Variants in DIDO1 observed in about 807,000 individuals in gnomAD.
The protein encoded by DIDO1 is death inducer-obliterator 1.
In DIDO1, 16 loss-of-function variants were observed where a neutral mutation model predicts 99.4. The observed-to-expected ratio is 0.16, with a 90% CI of 0.11 to 0.24. The LOEUF is 0.24. Ranked by LOEUF, DIDO1 falls within the 10% of genes least tolerant of loss-of-function variation. The pLI, the probability that DIDO1 is intolerant of heterozygous loss-of-function variation, is 1.00. For missense variants in DIDO1, 2,996 were observed against 3,014.0 expected, an observed-to-expected ratio of 0.99 and a Z score of 0.14; for synonymous variants, 1,366 against 1,239.1, an observed-to-expected ratio of 1.10 and a Z score of -2.15.
In DIDO1 at chr20:62,894,550, TA is replaced by T; in HGVS notation, c.2437-3del. 6.2e-7 allele frequency: 1 copy of T among 1,602,992 alleles called. No homozygotes were observed. The highest frequency in any genetic ancestry group is 1.1e-5 in the South Asian group (1 of 90,382). On this transcript the variant is annotated splice_region_variant and splice_polypyrimidine_tract_variant and intron_variant, in intron 10 of 15. Coordinates refer to ENST00000395343, the MANE Select transcript of DIDO1 (RefSeq NM_001193369.2). This position sits in a 1 kb window ranked among gnomAD's most constrained non-coding sequence, Gnocchi z 4.4. ...AGCACGTGCTGACTCTTGCTGTTCC[TA>T]AAAAAGAAAAAGAAAAAAAAGTGAG...
chr20:62,920,408 G>A (rs1394306097), intron 1 of DIDO1, among the ~76,000 whole-genome samples: 1 of 152,202 alleles, frequency 6.6e-6, no homozygotes, highest in Admixed American at 6.5e-5. Flanking sequence ...AAAGGATTCA[G>A]CAAGGGGCTG....
At chr20:62,921,108 C>A (rs564218332) in intron 1 of DIDO1, among the ~76,000 whole-genome samples, 75 of 152,298 alleles carry the variant, frequency 4.9e-4, no homozygotes, top group African/African-American at 1.7e-3. Context: ...GTTGGCCAGG[C>A]TGGTCTTGAA....
At chr20:62,905,632 A>G (rs1477516300) in intron 6 of DIDO1, 1 of 1,557,784 alleles carries the variant, frequency 6.4e-7, no homozygotes, top group South Asian at 1.2e-5. Flanking sequence ...TAAAGAATCA[A>G]TCATTAAGGT....
At chr20:62,907,614 C>T (rs374992755) in intron 4 of DIDO1, among the ~76,000 whole-genome samples, 1 of 152,254 alleles carries the variant, frequency 6.6e-6, no homozygotes, top group Non-Finnish European at 1.5e-5. Context: ...CCGCCCTCTG[C>T]TCTGTGCACC....
At position 62,879,974 on chromosome 20, in the gene DIDO1, C is replaced by A; in HGVS notation, c.5982G>T (p.Gly1994=). The part of the protein sequence containing the change: ...PAPLQFGGLR[G]SAPFSEKNEQ... ...CATTTTTTTCAGAAAAGGGTGCGGA[C>A]CCCCGTAGTCCACCAAACTGCAGGG... The change falls in exon 16 of 16, where the codon GGG becomes GGT. Residue 1994 remains glycine, a synonymous_variant. Transcript: ENST00000395343. This position sits in a 1 kb window ranked among gnomAD's most constrained non-coding sequence, Gnocchi z 6.3. 1 of 1,610,836 alleles carries A rather than the reference C, an allele frequency of 6.2e-7. No homozygotes were observed. Among genetic ancestry groups the A allele is most frequent in the East Asian group, 2.2e-5 (1 of 44,868 alleles).
At position 62,891,860 on chromosome 20, in the gene DIDO1, G is replaced by A. The variant is rs118140925; in HGVS notation, c.3345+127C>T. 1.4e-3 allele frequency: 1,051 copies of A among 756,378 alleles called. 2 individuals carry two copies. Among genetic ancestry groups the A allele is most frequent in the Middle Eastern group, 7.6e-3 (21 of 2,780 alleles). The allele number at this position is 756,378 out of a possible 1,614,324, so 46.9% of individuals were successfully genotyped here. ...AAAACTTAATTTTTAACATTCACCT[G>A]GAAATATCTAGTAAGCTACAGGCTA... On this transcript the variant is annotated intron_variant, in intron 14 of 15. Transcript: ENST00000395343.
chr20:62,900,861 A>C (rs1262848927), intron 6 of DIDO1, among the ~76,000 whole-genome samples: 2 of 152,166 alleles, frequency 1.3e-5, no homozygotes, highest in African/African-American at 4.8e-5. Context: ...ATGCACCTGA[A>C]AACAGACTCA....
intron 6 of DIDO1, among the ~76,000 whole-genome samples, chr20:62,900,793 G>C (rs910285933): frequency 1.3e-5 from 2 of 152,194 alleles, no homozygotes; most frequent in Non-Finnish European, 2.9e-5. Context: ...GGTCTCCCAC[G>C]GTGTCCTGAA....
At chr20:62,935,758 G>A (rs1006652932) in intron 1 of DIDO1, among the ~76,000 whole-genome samples, 1 of 152,264 alleles carries the variant, frequency 6.6e-6, no homozygotes, top group Admixed American at 6.5e-5. Context: ...GAAGGATAGA[G>A]TCAATGAGTG....
chr20:62,891,548 A>G (rs1184193556), intron 14 of DIDO1, among the ~76,000 whole-genome samples: 1 of 152,196 alleles, frequency 6.6e-6, no homozygotes, highest in East Asian at 1.9e-4. Context: ...GGGGTCCCAG[A>G]AAACCAGAAC....
At chr20:62,901,109 C>T (rs952601010) in intron 6 of DIDO1, among the ~76,000 whole-genome samples, 5 of 152,202 alleles carry the variant, frequency 3.3e-5, no homozygotes, top group African/African-American at 1.2e-4. Flanking sequence ...TAAGTAGTTA[C>T]TAGTTTGCTT....
rs553462868 is a variant in DIDO1 at position 62,897,848 on chromosome 20, C to T, written c.1589-852G>A. Among the ~76,000 whole-genome samples the T allele has an allele frequency of 9.8e-5, 15 of 152,312 alleles. No homozygotes were observed. In the East Asian group the frequency reaches 2.7e-3, roughly 27 times the overall value. ...GGACAGATGGCCAGGGGACAGGGCT[C>T]GTTGAGGTGCACCGCATGCCGGGGC... On this transcript the variant is annotated intron_variant, in intron 6 of 15. Transcript: ENST00000395343.
chr20:62,879,184 G>A lies in DIDO1; in HGVS notation c.*49C>T. 3 of 1,413,818 alleles carry A rather than the reference G, an allele frequency of 2.1e-6. No individual in the cohort carries two copies. Among genetic ancestry groups the A allele is most frequent in the Non-Finnish European group, 2.8e-6 (3 of 1,082,660 alleles). 87.6% of individuals were successfully genotyped at this position (1,413,818 alleles called of 1,614,324 possible). A position where few individuals can be genotyped will look rare whatever the true frequency, so the allele number is the denominator to read the frequency against. The stretch of plus-strand genomic sequence containing the variant: ...CTATTTCAAAAGCTATTTGTTCAAC[G>A]CATCTTACGAACGTGGCTTTAAAAA... On this transcript the variant is annotated 3_prime_UTR_variant, in exon 16 of 16. Coordinates refer to ENST00000395343, the MANE Select transcript of DIDO1 (RefSeq NM_001193369.2). This position sits in a 1 kb window ranked among gnomAD's most constrained non-coding sequence, Gnocchi z 6.3.
intron 4 of DIDO1, among the ~76,000 whole-genome samples, chr20:62,909,341 C>A (rs2064873784): frequency 6.6e-6 from 1 of 152,212 alleles, no homozygotes; most frequent in African/African-American, 2.4e-5. Context: ...ACACAAGCAC[C>A]CCGAGGAGCC....
chr20:62,888,642 G>A, intron 15 of DIDO1: 1 of 985,550 alleles, frequency 1.0e-6, no homozygotes, highest in Non-Finnish European at 1.2e-6. Context: ...AAACATGCCA[G>A]GACCTAGCCT....
In DIDO1 at chr20:62,889,398, G is replaced by A. The variant is rs949154770; in HGVS notation, c.3541+1562C>T. ...GTGCTCACCTGACAGCTCCAAGTTT[G>A]GAGATGAGCAGGGAGAGAAGCTCAA... On this transcript the variant is annotated intron_variant, in intron 15 of 15. Transcript: ENST00000395343. 3.2e-5 allele frequency: 32 copies of A among 985,334 alleles called. No homozygotes were observed. In the African/African-American group the frequency reaches 5.6e-4, roughly 17 times the overall value. 61.0% of individuals were successfully genotyped at this position (985,334 alleles called of 1,614,324 possible).
At chr20:62,937,820 G>A (rs552312104) in exon 1 of DIDO1, 3 of 398,150 alleles carry the variant, frequency 7.5e-6, no homozygotes, top group South Asian at 1.3e-4. Context: ...CAGTGTAGAC[G>A]TCGCCATCCC....
intron 1 of DIDO1, among the ~76,000 whole-genome samples, chr20:62,917,708 GA>G (rs1402787682): frequency 2.0e-5 from 3 of 152,246 alleles, no homozygotes; most frequent in African/African-American, 4.8e-5. Flanking sequence ...TGCGGGTTCC[GA>G]AAAAAATTAA....
In DIDO1 at chr20:62,879,672, GGCCCCACGTCAAACC is replaced by G. The variant is rs1600894225; in HGVS notation, c.6269_6283del (p.Arg2090_Gly2094del). On this transcript the variant is annotated inframe_deletion, in exon 16 of 16. Coordinates refer to ENST00000395343, the MANE Select transcript of DIDO1 (RefSeq NM_001193369.2). This position sits in a 1 kb window ranked among gnomAD's most constrained non-coding sequence, Gnocchi z 6.3. ...GGGCTCCTCCAGCGGCTTCTCTTTGGGCCCCACGTCAAACCGCTCTCTCTGCCTCCCTTCGAAAGT... is the reference window on the plus strand; with the variant it reads ...GGGCTCCTCCAGCGGCTTCTCTTTGGGCTCTCTCTGCCTCCCTTCGAAAGT... 1 of 1,609,386 alleles carries G rather than the reference GGCCCCACGTCAAACC, an allele frequency of 6.2e-7. No homozygotes were observed. Among genetic ancestry groups the G allele is most frequent in the African/African-American group, 1.3e-5 (1 of 75,004 alleles).
Sources: allele counts gnomAD v4.1 joint callset (sites outside exome capture counted in the v4.1 genomes callset), GRCh38; gene constraint gnomAD v4.1.1; non-coding constraint Gnocchi (gnomAD v3.1); transcripts MANE v1.5; gene names NCBI Gene and HGNC (gene_info 2026-07-23, HGNC 2026-07-21).